TLE4: variants seen among roughly 807,000 people sequenced by gnomAD.
TLE4 encodes the protein transducin-like enhancer protein 4.
TLE4 carries 8 observed loss-of-function variants against 92.8 expected under a neutral mutation model. That is an observed-to-expected ratio of 0.09 (90% CI 0.05 to 0.16). TLE4 has a LOEUF of 0.16. TLE4 is among the 10% of genes least tolerant of loss of function. TLE4 has a pLI of 1.00. For missense variants in TLE4, 675 were observed against 997.6 expected (o/e 0.68, Z 4.36); for synonymous variants, 371 against 374.1 (o/e 0.99, Z 0.10).
intron 4 of TLE4, among the ~76,000 whole-genome samples, chr9:79,592,383 C>G (rs1251987684): frequency 6.6e-6 from 1 of 151,248 alleles, no homozygotes; most frequent in Non-Finnish European, 1.5e-5. Flanking sequence ...TCGAGTGATC[C>G]TCCCACCTCA....
intron 6 of TLE4, among the ~76,000 whole-genome samples, chr9:79,627,951 C>T (rs2053085132): frequency 6.6e-6 from 1 of 152,088 alleles, no homozygotes; most frequent in Non-Finnish European, 1.5e-5. Flanking sequence ...ATGAACTACA[C>T]TTTATTTTTA....
In TLE4 at chr9:79,708,205, G is replaced by A. The variant is rs1215372546; in HGVS notation, c.1024G>A (p.Gly342Arg). ...APTPGSNSTP[G>R]LRPVPGKPPG... ...CACCCCAGGCAGTAACTCTACTCCC[G>A]GATTGAGGCCTGTACCTGGAAAACC... The change falls in exon 12 of 20, where the codon GGA (glycine) becomes AGA (arginine). Residue 342 changes from glycine (G) to arginine (R), a missense_variant. Gly to Arg is a moderately radical substitution (Grantham distance 125). Coordinates refer to ENST00000376552, the MANE Select transcript of TLE4 (RefSeq NM_007005.6). 6.2e-6 allele frequency: 10 copies of A among 1,613,926 alleles called. No individual in the cohort carries two copies. Among genetic ancestry groups the A allele is most frequent in the East Asian group, 2.2e-5 (1 of 44,882 alleles).
intron 3 of TLE4, 24 bp downstream of exon 3, chr9:79,574,960 C>T: frequency 1.2e-6 from 2 of 1,604,478 alleles, no homozygotes; most frequent in Non-Finnish European, 1.7e-6. Flanking sequence ...GTCACAGATT[C>T]AAAGTGCCTA....
chr9:79,643,412 A>G (rs2057537840), intron 6 of TLE4, among the ~76,000 whole-genome samples: 2 of 152,164 alleles, frequency 1.3e-5, no homozygotes, highest in South Asian at 4.1e-4. Flanking sequence ...TCATAATCAT[A>G]TTTCTCCAAT....
chr9:79,722,139 T>C (rs781226518), intron 17 of TLE4, among the ~76,000 whole-genome samples: 9 of 151,920 alleles, frequency 5.9e-5, no homozygotes, highest in Non-Finnish European at 1.2e-4. Context: ...CACTGCAGCC[T>C]GGCGACAGAG....
rs552507124 is a variant in TLE4 at position 79,677,264 on chromosome 9, A to G, written c.609+23189A>G. Among the ~76,000 whole-genome samples, 15 of 152,300 alleles carry G rather than the reference A, an allele frequency of 9.8e-5. No homozygotes were observed. The South Asian group carries it at 2.9e-3, about 29-fold the overall frequency. On this transcript the variant is annotated intron_variant, in intron 8 of 19. Coordinates refer to ENST00000376552, the MANE Select transcript of TLE4 (RefSeq NM_007005.6). ...TCAAAGTAGTAATTTTGGCTAATTC[A>G]AAAACTATTTGCATGCTAAAAGTTG...
intron 8 of TLE4, among the ~76,000 whole-genome samples, chr9:79,655,123 A>G (rs1285064816): frequency 1.3e-5 from 2 of 152,158 alleles, no homozygotes; most frequent in Non-Finnish European, 2.9e-5. Flanking sequence ...CCCTGGCGAC[A>G]GAGTGAGACT....
intron 4 of TLE4, among the ~76,000 whole-genome samples, chr9:79,608,533 G>A (rs1447553341): frequency 1.3e-5 from 2 of 151,984 alleles, no homozygotes; most frequent in Middle Eastern, 3.2e-3. Context: ...ATGAATGTAT[G>A]TTCTTGATAA....
chr9:79,644,804 T>C (rs539354044), intron 6 of TLE4, among the ~76,000 whole-genome samples: 71 of 152,128 alleles, frequency 4.7e-4, no homozygotes, highest in Non-Finnish European at 8.1e-4. Flanking sequence ...TTCCCTTACT[T>C]CTCTCCTAGA....
Position 79,722,447 on chromosome 9 carries a change from C to T in TLE4, c.1987-4C>T, listed in dbSNP as rs750427716. The T allele has an allele frequency of 6.2e-6, 10 of 1,613,874 alleles. No homozygotes were observed. The highest frequency in any genetic ancestry group is 4.0e-5 in the African/African-American group (3 of 74,926). ...ACTGTCACCATCACCTGTTTTAATT[C>T]TAGATCTTTTCTCTGGGCTACTGCC... On this transcript the variant is annotated splice_polypyrimidine_tract_variant and splice_region_variant and intron_variant, in intron 17 of 19. Coordinates refer to ENST00000376552, the MANE Select transcript of TLE4 (RefSeq NM_007005.6).
chr9:79,706,139 C>T (rs753896850), intron 10 of TLE4, among the ~76,000 whole-genome samples, 197 bp downstream of exon 10: 9 of 152,176 alleles, frequency 5.9e-5, no homozygotes, highest in Admixed American at 2.6e-4. Context: ...TGAACTCCTA[C>T]GCTAAAGTGA....
At chr9:79,592,786 T>TATGACTTG (rs1346750169) in intron 4 of TLE4, among the ~76,000 whole-genome samples, 13 of 152,226 alleles carry the variant, frequency 8.5e-5, no homozygotes, top group African/African-American at 3.1e-4. Flanking sequence ...TTATTTCTTG[T>TATGACTTG]ATGACTTGGC....
Position 79,592,245 on chromosome 9 carries a change from T to G in TLE4, c.252+16068T>G, listed in dbSNP as rs540310475. Among the ~76,000 whole-genome samples, 202 of 148,778 alleles carry G rather than the reference T, an allele frequency of 1.4e-3. 4 individuals are homozygous for G. The highest frequency in any genetic ancestry group is 4.4e-3 in the African/African-American group (180 of 40,464). ...TCTTCTTCTTCTTCTTCCTTCTGCTTCTTCTTCTTTCTTCTTTCTTCTTCT... is the reference window on the plus strand; with the variant it reads ...TCTTCTTCTTCTTCTTCCTTCTGCTGCTTCTTCTTTCTTCTTTCTTCTTCT... On this transcript the variant is annotated intron_variant, in intron 4 of 19. Coordinates refer to ENST00000376552, the MANE Select transcript of TLE4 (RefSeq NM_007005.6).
chr9:79,686,301 T>C (rs2065832131), intron 8 of TLE4, among the ~76,000 whole-genome samples: 1 of 152,206 alleles, frequency 6.6e-6, no homozygotes, highest in Non-Finnish European at 1.5e-5. Flanking sequence ...TATTAATCTT[T>C]TTAAAACTTT....
chr9:79,715,130 T>C (rs1469072061), intron 14 of TLE4, among the ~76,000 whole-genome samples: 9 of 152,178 alleles, frequency 5.9e-5, no homozygotes, highest in Non-Finnish European at 1.5e-5. Context: ...GTGAAGGCTG[T>C]CCTGTTGAAG....
At chr9:79,646,849 G>A (rs908955089) in intron 6 of TLE4, among the ~76,000 whole-genome samples, 1 of 152,058 alleles carries the variant, frequency 6.6e-6, no homozygotes, top group African/African-American at 2.4e-5. Flanking sequence ...TCTACAGGAT[G>A]CCTGAGTATA....
intron 8 of TLE4, among the ~76,000 whole-genome samples, chr9:79,703,939 T>G (rs1344509992): frequency 6.6e-6 from 1 of 152,142 alleles, no homozygotes; most frequent in African/African-American, 2.4e-5. Flanking sequence ...CCCCCCTTTT[T>G]TTTTCATTGA....
intron 6 of TLE4, among the ~76,000 whole-genome samples, chr9:79,631,176 C>T (rs2054089127): frequency 6.6e-6 from 1 of 152,164 alleles, no homozygotes; most frequent in Admixed American, 6.5e-5. Flanking sequence ...AAGGCAATAA[C>T]AAGCCTTGGT....
intron 8 of TLE4, among the ~76,000 whole-genome samples, chr9:79,688,831 C>T (rs1288391089): frequency 1.3e-5 from 2 of 151,970 alleles, no homozygotes; most frequent in Admixed American, 6.6e-5. Flanking sequence ...ATCTTCAGAG[C>T]TTTTCTGGTT....
Sources: allele counts gnomAD v4.1 joint callset (sites outside exome capture counted in the v4.1 genomes callset), GRCh38; gene constraint gnomAD v4.1.1; transcripts MANE v1.5; gene names NCBI Gene and HGNC (gene_info 2026-07-23, HGNC 2026-07-21).